KCNIP4: variants seen among roughly 807,000 people sequenced by gnomAD.
KCNIP4 encodes potassium voltage-gated channel interacting protein 4.
A neutral mutation model predicts 34.0 loss-of-function variants in KCNIP4; 12 were observed. The observed-to-expected ratio is 0.35, with a 90% CI of 0.23 to 0.57. The LOEUF (loss-of-function observed/expected upper bound fraction) is 0.57. Ranked by LOEUF, KCNIP4 falls within the 20% of genes least tolerant of loss-of-function variation. KCNIP4 has a pLI of 0.83. For synonymous variants in KCNIP4, 124 were observed against 102.2 expected, an observed-to-expected ratio of 1.21 and a Z score of -1.29; for missense variants, 238 against 311.7, an observed-to-expected ratio of 0.76 and a Z score of 1.78.
chr4:21,905,738 A>G (rs1727966894), intron 1 of KCNIP4, among the ~76,000 whole-genome samples: 1 of 152,180 alleles, frequency 6.6e-6, no homozygotes, highest in African/African-American at 2.4e-5. Context: ...GTACGCTTCA[A>G]AAGTGCAGGT....
At position 20,740,224 on chromosome 4, in the gene KCNIP4, A is replaced by T. The variant is rs555780044; in HGVS notation, c.430-5489T>A. On this transcript the variant is annotated intron_variant, in intron 5 of 8. Coordinates refer to ENST00000382152, the MANE Select transcript of KCNIP4 (RefSeq NM_025221.6). ...GTCAGGCCAACATTCAAATTCAGGA[A>T]ATACAGAGAATGCCACCAAGATACT... 1.8e-4 allele frequency among the ~76,000 whole-genome samples: 28 copies of T among 152,296 alleles called. No individual in the cohort carries two copies. In the East Asian group the frequency reaches 5.2e-3, roughly 28 times the overall value.
intron 1 of KCNIP4, among the ~76,000 whole-genome samples, chr4:21,655,957 C>A (rs1747891181): frequency 6.6e-6 from 1 of 152,152 alleles, no homozygotes; most frequent in African/African-American, 2.4e-5. Context: ...GAATCAGGAG[C>A]TAAGCTGCAT....
chr4:21,730,375 T>C (rs1179604789), intron 1 of KCNIP4, among the ~76,000 whole-genome samples: 1 of 152,162 alleles, frequency 6.6e-6, no homozygotes, highest in Non-Finnish European at 1.5e-5. Context: ...GAGGAAATAG[T>C]TCCGTGTTGT....
intron 1 of KCNIP4, among the ~76,000 whole-genome samples, chr4:21,354,862 A>G (rs1287639106): frequency 1.3e-5 from 2 of 152,214 alleles, no homozygotes; most frequent in Non-Finnish European, 2.9e-5. Context: ...TCAGCACCAC[A>G]TCACACTTAT....
At chr4:21,367,759 T>G (rs1719930757) in intron 1 of KCNIP4, among the ~76,000 whole-genome samples, 1 of 147,294 alleles carries the variant, frequency 6.8e-6, no homozygotes, top group South Asian at 2.1e-4. Context: ...ATCACTACAT[T>G]TTACCTGTCA....
At chr4:20,760,548 CAGTGTTA>C (rs1305147630) in intron 3 of KCNIP4, among the ~76,000 whole-genome samples, 1 of 152,138 alleles carries the variant, frequency 6.6e-6, no homozygotes, top group Non-Finnish European at 1.5e-5. Flanking sequence ...GATACATAAA[CAGTGTTA>C]ACAGTTTCAA....
chr4:21,335,870 TG>T (rs142798216), intron 1 of KCNIP4, among the ~76,000 whole-genome samples: 69 of 152,260 alleles, frequency 4.5e-4, no homozygotes, highest in African/African-American at 1.6e-3. Flanking sequence ...CAAGCATGCA[TG>T]TACCAATCAC....
At chr4:21,447,834 C>G (rs1397217730) in intron 1 of KCNIP4, among the ~76,000 whole-genome samples, 1 of 152,116 alleles carries the variant, frequency 6.6e-6, no homozygotes, top group African/African-American at 2.4e-5. Flanking sequence ...GGTAGCTATA[C>G]AGCATGGATA....
At chr4:21,078,941 C>T (rs1865193) in intron 1 of KCNIP4, among the ~76,000 whole-genome samples, 25,226 of 152,050 alleles carry the variant, frequency 0.17, 2,156 homozygotes, top group African/African-American at 0.2. Context: ...CTGGGCTGTC[C>T]TCTTTCACTC....
intron 1 of KCNIP4, among the ~76,000 whole-genome samples, chr4:21,562,241 C>G (rs1451102244): frequency 6.6e-6 from 1 of 151,294 alleles, no homozygotes; most frequent in East Asian, 1.9e-4. Flanking sequence ...AATTGCTGAA[C>G]CCTGGGATAC....
intron 1 of KCNIP4, among the ~76,000 whole-genome samples, chr4:20,891,165 A>G (rs1022433716): frequency 1.3e-5 from 2 of 152,206 alleles, no homozygotes; most frequent in South Asian, 2.1e-4. Context: ...TACTCTATTA[A>G]TTCACAGTCC....
At chr4:21,470,559 C>T (rs1347648275) in intron 1 of KCNIP4, among the ~76,000 whole-genome samples, 3 of 152,150 alleles carry the variant, frequency 2.0e-5, no homozygotes, top group Non-Finnish European at 4.4e-5. Flanking sequence ...AAGGCAAATG[C>T]ACTAGACATT....
chr4:21,238,021 C>A (rs1348886914), intron 1 of KCNIP4, among the ~76,000 whole-genome samples: 2 of 152,102 alleles, frequency 1.3e-5, no homozygotes, highest in Non-Finnish European at 2.9e-5. Context: ...CATCAAAAAG[C>A]TTATCCACCA....
At chr4:21,275,903 T>C (rs1370087972) in intron 1 of KCNIP4, among the ~76,000 whole-genome samples, 1 of 152,140 alleles carries the variant, frequency 6.6e-6, no homozygotes, top group Non-Finnish European at 1.5e-5. Flanking sequence ...AAAAGAAGAA[T>C]TGTCTTGGGC....
chr4:21,480,361 TGAAAACAC>T (rs1323478780), intron 1 of KCNIP4, among the ~76,000 whole-genome samples: 1 of 151,914 alleles, frequency 6.6e-6, no homozygotes, highest in East Asian at 1.9e-4. Context: ...AATAACAAAG[TGAAAACAC>T]GAATCTTTTG....
intron 1 of KCNIP4, among the ~76,000 whole-genome samples, chr4:21,185,004 C>T (rs1046842270): frequency 7.2e-5 from 11 of 152,000 alleles, no homozygotes; most frequent in Non-Finnish European, 5.9e-5. Flanking sequence ...TAAGCACATC[C>T]GAACAGGACA....
At chr4:21,690,314 A>G (rs1438384371) in intron 1 of KCNIP4, among the ~76,000 whole-genome samples, 1 of 151,996 alleles carries the variant, frequency 6.6e-6, no homozygotes, top group Non-Finnish European at 1.5e-5. Context: ...ACTTCATCCA[A>G]GAAAAGATGT....
intron 1 of KCNIP4, among the ~76,000 whole-genome samples, chr4:21,199,246 CT>C (rs1339125751): frequency 1.8e-4 from 27 of 152,130 alleles, no homozygotes; most frequent in Admixed American, 1.8e-3. Context: ...TGTTTCCTGA[CT>C]TTTTAATGAT....
At chr4:21,518,037 C>CATACTGCT (rs1226944246) in intron 1 of KCNIP4, among the ~76,000 whole-genome samples, 1 of 152,176 alleles carries the variant, frequency 6.6e-6, no homozygotes, top group African/African-American at 2.4e-5. Context: ...GCTTCAAGGT[C>CATACTGCT]ATACTGCTAG....
Sources: allele counts gnomAD v4.1 joint callset (sites outside exome capture counted in the v4.1 genomes callset), GRCh38; gene constraint gnomAD v4.1.1; transcripts MANE v1.5; gene names NCBI Gene and HGNC (gene_info 2026-07-23, HGNC 2026-07-21).